Variants in PIGL observed in about 807,000 individuals in gnomAD.
PIGL encodes the protein phosphatidylinositol glycan anchor biosynthesis class L.
A neutral mutation model predicts 31.1 loss-of-function variants in PIGL; 22 were observed. The observed-to-expected ratio is 0.71, with a 90% CI of 0.51 to 1.01. The LOEUF is 1.01. Ranked by LOEUF, PIGL falls within the 50% of genes least tolerant of loss-of-function variation. The pLI, the probability that PIGL is intolerant of heterozygous loss-of-function variation, is 0.00. For synonymous variants in PIGL, 131 were observed against 117.4 expected, an observed-to-expected ratio of 1.12 and a Z score of -0.75; for missense variants, 302 against 315.9, an observed-to-expected ratio of 0.96 and a Z score of 0.33.
At chr17:16,284,274 G>C (rs2092928494) in intron 2 of PIGL, among the ~76,000 whole-genome samples, 1 of 152,132 alleles carries the variant, frequency 6.6e-6, no homozygotes, top group Admixed American at 6.6e-5. Context: ...ACTGCGCCTA[G>C]CCCGAAAGTT....
rs116915558 is a variant in PIGL, at chr17:16,274,792, G to T, written c.336-25096G>T. Among the ~76,000 whole-genome samples the T allele has an allele frequency of 4.8e-4, 73 of 151,820 alleles. 1 individual carries two copies. The East Asian group carries it at 0.012, about 24-fold the overall frequency. ...CACTCCTGTAATATCAGCGTTTTAG[G>T]AGGCCGAGGGGGGCGGATCACCTAA... On this transcript the variant is annotated intron_variant, in intron 2 of 6. Coordinates refer to ENST00000225609, the MANE Select transcript of PIGL (RefSeq NM_004278.4).
intron 2 of PIGL, among the ~76,000 whole-genome samples, chr17:16,257,812 C>G (rs1343726189): frequency 6.6e-6 from 1 of 152,028 alleles, no homozygotes; most frequent in Non-Finnish European, 1.5e-5. Flanking sequence ...TGCCTGTAAT[C>G]CCAGCACTTT....
chr17:16,234,858 C>T (rs1409194319), intron 2 of PIGL, among the ~76,000 whole-genome samples: 1 of 152,152 alleles, frequency 6.6e-6, no homozygotes, highest in Non-Finnish European at 1.5e-5. Flanking sequence ...TTTTTCCTGA[C>T]ATGGGTACTT....
chr17:16,226,755 A>G (rs2142651172), intron 1 of PIGL, among the ~76,000 whole-genome samples: 1 of 152,322 alleles, frequency 6.6e-6, no homozygotes, highest in South Asian at 2.1e-4. Context: ...TTTCTGGTTC[A>G]TCCAGTGAAG....
intron 2 of PIGL, among the ~76,000 whole-genome samples, chr17:16,244,881 T>C (rs2092737865): frequency 6.6e-6 from 1 of 152,116 alleles, no homozygotes; most frequent in Non-Finnish European, 1.5e-5. Flanking sequence ...TTTTGCCACG[T>C]TGCATAGGCT....
chr17:16,276,559 T>G (rs2092896580), intron 2 of PIGL, among the ~76,000 whole-genome samples: 1 of 150,410 alleles, frequency 6.6e-6, no homozygotes, highest in South Asian at 2.1e-4. Context: ...ATGGCGAAAC[T>G]CTGTCTCTAT....
At chr17:16,229,641 C>T (rs764795134) in intron 1 of PIGL, among the ~76,000 whole-genome samples, 3 of 151,922 alleles carry the variant, frequency 2.0e-5, no homozygotes, top group Non-Finnish European at 2.9e-5. Flanking sequence ...TCTTTGTCAG[C>T]ATTTGTAATT....
chr17:16,221,667 T>C (rs896151752), intron 1 of PIGL, among the ~76,000 whole-genome samples: 7 of 152,116 alleles, frequency 4.6e-5, no homozygotes, highest in African/African-American at 1.7e-4. Context: ...TCTCCCAGGC[T>C]GGAGTGCAGT....
intron 2 of PIGL, among the ~76,000 whole-genome samples, chr17:16,278,427 A>G (rs937738003): frequency 6.6e-6 from 1 of 152,216 alleles, no homozygotes; most frequent in African/African-American, 2.4e-5. Flanking sequence ...AGATAAATCT[A>G]TCCAATTTTA....
intron 3 of PIGL, among the ~76,000 whole-genome samples, chr17:16,302,446 T>A (rs114357759): frequency 0.047 from 7,166 of 152,038 alleles, 219 homozygotes; most frequent in African/African-American, 0.09. Flanking sequence ...AGGTTGGAGG[T>A]TGTCATGGCC....
chr17:16,218,908 A>G (rs1319253694), intron 1 of PIGL, among the ~76,000 whole-genome samples: 2 of 151,614 alleles, frequency 1.3e-5, no homozygotes, highest in African/African-American at 2.4e-5. Context: ...CAAACTCCTG[A>G]CCTCTAGTGA....
intron 2 of PIGL, among the ~76,000 whole-genome samples, chr17:16,235,592 A>G (rs1425408925): frequency 6.6e-6 from 1 of 151,148 alleles, no homozygotes; most frequent in East Asian, 1.9e-4. Context: ...GATTACAGGC[A>G]TCCACCACCA....
intron 2 of PIGL, among the ~76,000 whole-genome samples, chr17:16,260,247 G>A (rs541396604): frequency 6.6e-6 from 1 of 152,332 alleles, no homozygotes; most frequent in African/African-American, 2.4e-5. Context: ...ACTGAAAGGG[G>A]CAGGTGCCCG....
chr17:16,273,562 C>A (rs1284059326), intron 2 of PIGL, among the ~76,000 whole-genome samples: 2 of 152,060 alleles, frequency 1.3e-5, no homozygotes, highest in East Asian at 1.9e-4. Context: ...GCAGTGGAAC[C>A]AATAGGTATG....
intron 1 of PIGL, among the ~76,000 whole-genome samples, chr17:16,228,604 G>A (rs1486474684): frequency 6.6e-6 from 1 of 151,076 alleles, no homozygotes; most frequent in Non-Finnish European, 1.5e-5. Context: ...TAGCCAGGAT[G>A]GTCTCGATCT....
intron 3 of PIGL, among the ~76,000 whole-genome samples, chr17:16,306,522 C>CTTTTTT (rs34479966): frequency 7.9e-5 from 9 of 113,654 alleles, no homozygotes; most frequent in Non-Finnish European, 1.0e-4. Context: ...GTTATACGAT[C>CTTTTTT]TTTTTTTTTT....
intron 2 of PIGL, among the ~76,000 whole-genome samples, chr17:16,282,645 G>T (rs1375079793): frequency 6.6e-6 from 1 of 152,174 alleles, no homozygotes; most frequent in Non-Finnish European, 1.5e-5. Context: ...ATCAGCATTA[G>T]TCATGTGGAA....
At chr17:16,299,452 AAAAAC>A (rs1351946388) in intron 2 of PIGL, among the ~76,000 whole-genome samples, 1 of 152,204 alleles carries the variant, frequency 6.6e-6, no homozygotes, top group African/African-American at 2.4e-5. Context: ...TCAAAAAGAA[AAAAAC>A]AAAACAAAAC....
At chr17:16,300,192 A>C (rs1241399850) in intron 3 of PIGL, 8 of 532,546 alleles carry the variant, frequency 1.5e-5, no homozygotes, top group Non-Finnish European at 1.0e-5. Context: ...AGACTGAATA[A>C]CTAAATTATC....
Sources: allele counts gnomAD v4.1 joint callset (sites outside exome capture counted in the v4.1 genomes callset), GRCh38; gene constraint gnomAD v4.1.1; transcripts MANE v1.5; gene names NCBI Gene and HGNC (gene_info 2026-07-23, HGNC 2026-07-21).